Variants in TNRC6A observed in about 807,000 individuals in gnomAD.
TNRC6A encodes the protein trinucleotide repeat containing adaptor 6A.
A neutral mutation model predicts 221.2 loss-of-function variants in TNRC6A; 44 were observed. The ratio of observed to expected loss-of-function variants is 0.20; its 90% confidence interval spans 0.16 to 0.26. The LOEUF (loss-of-function observed/expected upper bound fraction) is 0.26. TNRC6A is among the 10% of genes least tolerant of loss of function. TNRC6A has a pLI of 1.00. For synonymous variants in TNRC6A, 847 were observed against 838.5 expected (o/e 1.01, Z -0.18); for missense variants, 2,199 against 2,404.4 (o/e 0.91, Z 1.79).
chr16:24,655,698 AAG>A (rs1387051044), intron 2 of TNRC6A, among the ~76,000 whole-genome samples: 2 of 152,190 alleles, frequency 1.3e-5, no homozygotes, highest in Non-Finnish European at 2.9e-5. Context: ...TCAAAAAAAA[AAG>A]AGTATTTCGG....
At chr16:24,671,028 C>A in intron 2 of TNRC6A, 2 of 385,712 alleles carry the variant, frequency 5.2e-6, no homozygotes, top group South Asian at 1.8e-5. Flanking sequence ...CCTCGCCAGC[C>A]AATCTCCTTT....
In TNRC6A at chr16:24,804,686, T is replaced by A. The variant is rs958038790; in HGVS notation, c.3838-19T>A. On this transcript the variant is annotated intron_variant, in intron 12 of 24. Transcript: ENST00000395799. The stretch of plus-strand genomic sequence containing the variant: ...GTTTGCTTGGCTGGTGTTGCACATC[T>A]TTCTGTCTGTCCAATCAGGATGGCA... 1 of 1,561,854 alleles carries A rather than the reference T, an allele frequency of 6.4e-7. No individual in the cohort carries two copies. Among genetic ancestry groups the A allele is most frequent in the Non-Finnish European group, 8.6e-7 (1 of 1,161,386 alleles).
chr16:24,670,707 A>G (rs2055278671), intron 2 of TNRC6A, among the ~76,000 whole-genome samples: 1 of 152,102 alleles, frequency 6.6e-6, no homozygotes, highest in Admixed American at 6.6e-5. Context: ...ATGGAAAAAT[A>G]CTGGTACAAG....
intron 3 of TNRC6A, among the ~76,000 whole-genome samples, chr16:24,751,774 G>C (rs564346428): frequency 1.3e-3 from 198 of 152,240 alleles, no homozygotes; most frequent in Middle Eastern, 3.4e-3. Flanking sequence ...TTATTTAATA[G>C]GGGAAAACAC....
chr16:24,794,538 A>G lies in TNRC6A; in HGVS notation c.3353-6A>G. ...GTTTCTCTTTATATCACAAATCCACAATCAGGGCCAAAATCTATGCAAGAT... is the reference window on the plus strand; with the variant it reads ...GTTTCTCTTTATATCACAAATCCACGATCAGGGCCAAAATCTATGCAAGAT... On this transcript the variant is annotated splice_region_variant and splice_polypyrimidine_tract_variant and intron_variant, in intron 7 of 24. Coordinates refer to ENST00000395799, the MANE Select transcript of TNRC6A (RefSeq NM_014494.4). 1.2e-6 allele frequency: 2 copies of G among 1,603,954 alleles called. No homozygotes were observed. The highest frequency in any genetic ancestry group is 2.2e-5 in the East Asian group (1 of 44,774).
chr16:24,640,545 T>C (rs550637276), intron 1 of TNRC6A, among the ~76,000 whole-genome samples: 2 of 151,188 alleles, frequency 1.3e-5, no homozygotes, highest in East Asian at 1.9e-4. Flanking sequence ...CTGGGCAACA[T>C]GGCAAAGCCC....
chr16:24,773,779 T>C lies in TNRC6A; in HGVS notation c.164-3154T>C, dbSNP rs186525093. ...AATTTGTCTTATCCTTTATAATGCT[T>C]TTCTCTTTGAATTTTGTCTGATATC... On this transcript the variant is annotated intron_variant, in intron 4 of 24. Transcript: ENST00000395799. 3.1e-3 allele frequency among the ~76,000 whole-genome samples: 479 copies of C among 152,292 alleles called. 2 individuals carry two copies. Among genetic ancestry groups the C allele is most frequent in the Non-Finnish European group, 5.4e-3 (366 of 68,018 alleles).
At chr16:24,724,810 A>G (rs1567390098), upstream of TNRC6A, among the ~76,000 whole-genome samples, 2 of 152,188 alleles carry the variant, frequency 1.3e-5, no homozygotes, top group Non-Finnish European at 2.9e-5. Context: ...TTTATACATT[A>G]CTGTGAAAAA....
chr16:24,700,780 C>A (rs1023995584), intron 2 of TNRC6A, among the ~76,000 whole-genome samples: 32 of 152,176 alleles, frequency 2.1e-4, no homozygotes, highest in African/African-American at 7.7e-4. Context: ...ATCCCTGACC[C>A]CACACCTCTA....
intron 2 of TNRC6A, among the ~76,000 whole-genome samples, chr16:24,674,586 AC>A: frequency 6.6e-6 from 1 of 152,142 alleles, no homozygotes; most frequent in South Asian, 2.1e-4. Flanking sequence ...CTCCGTTGCA[AC>A]GGAGTTCCAC....
chr16:24,713,701 C>T lies in TNRC6A; in HGVS notation n.403-37025C>T, dbSNP rs140281274. 1.1e-3 allele frequency among the ~76,000 whole-genome samples: 173 copies of T among 151,988 alleles called. 1 individual carries two copies. Among genetic ancestry groups the T allele is most frequent in the African/African-American group, 3.5e-3 (143 of 41,432 alleles). ...TCACTCTGTCACCCATCTTGGAGTG[C>T]AGTGGCATGATCTTGGCTTACTGCA... On this transcript the variant is annotated intron_variant and non_coding_transcript_variant, in intron 2 of 2. Transcript: ENST00000566108.
chr16:24,804,496 G>A, intron 12 of TNRC6A, 177 bp downstream of exon 12: 1 of 1,084,094 alleles, frequency 9.2e-7, no homozygotes, highest in South Asian at 1.8e-5. Flanking sequence ...CATAGAGGTT[G>A]CATTTATATT....
chr16:24,711,111 G>A lies in TNRC6A; in HGVS notation n.403-39615G>A, dbSNP rs140327897. On this transcript the variant is annotated intron_variant and non_coding_transcript_variant, in intron 2 of 2. Coordinates refer to the TNRC6A transcript ENST00000566108. ...AGGATGGTCTCAATCTCCTGACCTC[G>A]TGATCCACCTGCCTCGGCCTCCCAA... Among the ~76,000 whole-genome samples the A allele has an allele frequency of 1.7e-3, 254 of 152,018 alleles. 1 individual carries two copies. The highest frequency in any genetic ancestry group is 3.4e-3 in the Middle Eastern group (1 of 294).
chr16:24,818,658 A>G lies in TNRC6A; in HGVS notation c.5038A>G (p.Asn1680Asp). Reference sequence around the variant, plus strand: ...TGCCTGGTCATCCATTCGTGCCTCCAACTACAACGTTCCCCTCAGCAGTAC... The same window carrying G: ...TGCCTGGTCATCCATTCGTGCCTCCGACTACAACGTTCCCCTCAGCAGTAC... ...TSAWSSIRAS[N>D]YNVPLSSTAQ... The change falls in exon 21 of 25, where the codon AAC becomes GAC. Residue 1680 changes from asparagine to aspartate, a missense_variant. Physicochemically the swap from Asn to Asp is conservative, Grantham distance 23 (BLOSUM62 1). This residue lies in a region of TNRC6A where 449 missense variants were observed against 579.7 expected (regional missense o/e 0.77). Transcript: ENST00000395799. 1.9e-6 allele frequency: 3 copies of G among 1,614,148 alleles called. No homozygotes were observed. Among genetic ancestry groups the G allele is most frequent in the Non-Finnish European group, 2.5e-6 (3 of 1,180,006 alleles).
chr16:24,756,965 A>G (rs1375402070), intron 3 of TNRC6A, among the ~76,000 whole-genome samples: 1 of 152,176 alleles, frequency 6.6e-6, no homozygotes, highest in Non-Finnish European at 1.5e-5. Context: ...AAGATTATGC[A>G]TCTTATTGTT....
At position 24,754,445 on chromosome 16, in the gene TNRC6A, A is replaced by G. The variant is rs564453926; in HGVS notation, c.141+3632A>G. Among the ~76,000 whole-genome samples, 6 of 152,316 alleles carry G rather than the reference A, an allele frequency of 3.9e-5. No homozygotes were observed. The South Asian group carries it at 1.2e-3, about 32-fold the overall frequency. ...TTAAAATTTTTTGAAAAGCCTTTTC[A>G]TCAAAGATTATGTATAACACTCTTT... On this transcript the variant is annotated intron_variant, in intron 3 of 24. Transcript: ENST00000395799.
At chr16:24,648,020 G>T (rs766837840) in intron 2 of TNRC6A, among the ~76,000 whole-genome samples, 3 of 151,998 alleles carry the variant, frequency 2.0e-5, no homozygotes, top group African/African-American at 2.4e-5. Flanking sequence ...ATGTCTTCAC[G>T]GTTCATCCAT....
At chr16:24,666,379 AG>A (rs1304710196) in intron 2 of TNRC6A, among the ~76,000 whole-genome samples, 1 of 150,958 alleles carries the variant, frequency 6.6e-6, no homozygotes, top group Non-Finnish European at 1.5e-5. Context: ...AGGCTGAAGC[AG>A]GAGAATGGCA....
chr16:24,689,457 A>C (rs1054778997), intron 2 of TNRC6A, among the ~76,000 whole-genome samples: 17 of 152,230 alleles, frequency 1.1e-4, no homozygotes, highest in African/African-American at 4.1e-4. Context: ...CACATTGATG[A>C]GAATTCTTCC....
Sources: gnomAD v4.1 joint callset for allele counts (sites outside exome capture counted in the v4.1 genomes callset) on GRCh38, gnomAD v4.1.1 for gene constraint, gnomAD v4.1.1 regional missense constraint, MANE v1.5 for transcripts, NCBI Gene and HGNC (gene_info 2026-07-23, HGNC 2026-07-21) for gene names.